Variants in MBTD1 observed in about 807,000 individuals in gnomAD.
The protein encoded by MBTD1 is mbt domain containing 1.
MBTD1 carries 24 observed loss-of-function variants against 87.8 expected under a neutral mutation model. The observed-to-expected ratio is 0.27, with a 90% confidence interval of 0.20 to 0.38. MBTD1 has a LOEUF of 0.38. Among genes scored for constraint, MBTD1 ranks in the 10% least tolerant of loss-of-function variants. The probability of loss-of-function intolerance (pLI) is 1.00; values close to 1 mark genes in which losing one functional copy is unlikely to be tolerated. For missense variants in MBTD1, 436 were observed against 760.2 expected (o/e 0.57, Z 5.02); for synonymous variants, 237 against 248.6 (o/e 0.95, Z 0.44).
At chr17:51,186,743 C>T (rs886485595) in intron 16 of MBTD1, among the ~76,000 whole-genome samples, 1 of 151,196 alleles carries the variant, frequency 6.6e-6, no homozygotes, top group African/African-American at 2.4e-5. Flanking sequence ...CACTGCACTC[C>T]AACCTGGGCG....
intron 2 of MBTD1, among the ~76,000 whole-genome samples, chr17:51,253,672 C>G (rs1227202644): frequency 6.6e-6 from 1 of 151,954 alleles, no homozygotes; most frequent in Non-Finnish European, 1.5e-5. Context: ...CAATATTTTT[C>G]TTTTTTAAAA....
At chr17:51,210,058 G>C (rs2052082673) in intron 6 of MBTD1, among the ~76,000 whole-genome samples, 2 of 152,102 alleles carry the variant, frequency 1.3e-5, no homozygotes, top group African/African-American at 2.4e-5. Flanking sequence ...CTGGAGTGAA[G>C]TGGCGCGATC....
chr17:51,192,561 G>A, intron 15 of MBTD1: 2 of 789,300 alleles, frequency 2.5e-6, no homozygotes, highest in Non-Finnish European at 3.9e-6. Flanking sequence ...TGACTGTTGT[G>A]TTTCTATAGT....
chr17:51,259,879 T>G lies in MBTD1; in HGVS notation c.-157A>C. 8.1e-7 allele frequency: 1 copy of G among 1,231,594 alleles called. No homozygotes were observed. The highest frequency in any genetic ancestry group is 1.0e-6 in the Non-Finnish European group (1 of 987,770). 76.3% of individuals were successfully genotyped at this position (1,231,594 alleles called of 1,614,324 possible). On this transcript the variant is annotated 5_prime_UTR_variant, in exon 1 of 17. Coordinates refer to ENST00000586178, the MANE Select transcript of MBTD1 (RefSeq NM_017643.3). ...ATCAGGGCCTCATGGGTAGGGGTTG[T>G]CCGTGCTCCCCGAGCCCGCGGCGCC...
At chr17:51,251,511 T>C (rs1270638427) in intron 2 of MBTD1, 1 of 152,226 alleles carries the variant, frequency 6.6e-6, no homozygotes, top group Non-Finnish European at 1.5e-5. Flanking sequence ...TGGAGCTTTT[T>C]TCAGATTTTC....
chr17:51,181,059 G>A (rs903145300), intron 16 of MBTD1, among the ~76,000 whole-genome samples: 1 of 134,238 alleles, frequency 7.4e-6, no homozygotes, highest in Admixed American at 8.5e-5. Context: ...GTCTCACTCT[G>A]TCATCAGGCT....
At chr17:51,259,713 G>A (rs1389844914) in intron 1 of MBTD1, 122 bp downstream of exon 1, 1 of 927,840 alleles carries the variant, frequency 1.1e-6, no homozygotes. Flanking sequence ...AGGTTGAGAG[G>A]GCGTGGGATG....
intron 6 of MBTD1, among the ~76,000 whole-genome samples, chr17:51,214,281 A>C (rs1199537034): frequency 2.0e-5 from 3 of 152,142 alleles, no homozygotes; most frequent in Admixed American, 2.0e-4. Context: ...TAGAAATATT[A>C]AATGTCAATT....
rs1436590885 is a variant in MBTD1 at position 51,179,300 on chromosome 17, C to G, written c.*1276G>C. 1 of 150,584 alleles carries G rather than the reference C, an allele frequency of 6.6e-6. No individual in the cohort carries two copies. The highest frequency in any genetic ancestry group is 1.9e-4 in the East Asian group (1 of 5,144). The allele number at this position is 150,584 out of a possible 1,614,324, so 9.3% of individuals were successfully genotyped here. A position where few individuals can be genotyped will look rare whatever the true frequency, so the allele number is the denominator to read the frequency against. ...AACCTCACTGGTAAACGCTAGAGCG[C>G]TCTCATTCAGTCACAACTCAGTAGA... On this transcript the variant is annotated 3_prime_UTR_variant, in exon 17 of 17. Coordinates refer to ENST00000586178, the MANE Select transcript of MBTD1 (RefSeq NM_017643.3).
intron 12 of MBTD1, among the ~76,000 whole-genome samples, chr17:51,195,722 T>C (rs1568158808): frequency 6.6e-6 from 1 of 152,234 alleles, no homozygotes; most frequent in Non-Finnish European, 1.5e-5. Context: ...GGTAACACTT[T>C]GACTTCTTTC....
intron 2 of MBTD1, among the ~76,000 whole-genome samples, chr17:51,235,222 G>A (rs1488046319): frequency 6.6e-6 from 1 of 151,844 alleles, no homozygotes. Context: ...TGCGACTTCC[G>A]CCTCCTGGGT....
At chr17:51,233,310 G>C (rs139349013) in intron 2 of MBTD1, among the ~76,000 whole-genome samples, 1 of 152,068 alleles carries the variant, frequency 6.6e-6, no homozygotes, top group African/African-American at 2.4e-5. Context: ...AGGCCTCTAA[G>C]TATATGAAAG....
intron 2 of MBTD1, among the ~76,000 whole-genome samples, chr17:51,243,215 G>A (rs1454056449): frequency 1.3e-5 from 2 of 151,944 alleles, no homozygotes; most frequent in East Asian, 3.9e-4. Context: ...GAGGTGCTGG[G>A]AATGTATTGC....
In MBTD1 at chr17:51,260,010, C is replaced by A. The variant is rs957945334; in HGVS notation, c.-288G>T. 9 of 492,856 alleles carry A rather than the reference C, an allele frequency of 1.8e-5. No homozygotes were observed. The highest frequency in any genetic ancestry group is 2.9e-5 in the Non-Finnish European group (9 of 313,632). The allele number at this position is 492,856 out of a possible 1,614,324, so 30.5% of individuals were successfully genotyped here. A position where few individuals can be genotyped will look rare whatever the true frequency, so the allele number is the denominator to read the frequency against. On this transcript the variant is annotated 5_prime_UTR_variant, in exon 1 of 17. Coordinates refer to ENST00000586178, the MANE Select transcript of MBTD1 (RefSeq NM_017643.3). Reference sequence around the variant, plus strand: ...GCGGGTGCAGCAGCCCCCGGATTTCCCCCCTTTAACTCGGGTGGCCCCAGG... The same window carrying A: ...GCGGGTGCAGCAGCCCCCGGATTTCACCCCTTTAACTCGGGTGGCCCCAGG...
At chr17:51,198,806 TTTG>T (rs534714537) in intron 12 of MBTD1, among the ~76,000 whole-genome samples, 37 of 152,056 alleles carry the variant, frequency 2.4e-4, no homozygotes, top group African/African-American at 7.3e-4. Flanking sequence ...CCACGTGATT[TTTG>T]TTGTTGTTGT....
chr17:51,223,531 T>C (rs2053036780), intron 3 of MBTD1, among the ~76,000 whole-genome samples: 1 of 149,566 alleles, frequency 6.7e-6, no homozygotes, highest in South Asian at 2.1e-4. Context: ...AGCAAGACTG[T>C]CTCAACAACA....
At chr17:51,256,172 T>C (rs1598451532) in intron 2 of MBTD1, 1 of 152,242 alleles carries the variant, frequency 6.6e-6, no homozygotes, top group Non-Finnish European at 1.5e-5. Flanking sequence ...TCATCTTTTA[T>C]AGCAGCTTAC....
rs1568132905 is a variant in MBTD1, at chr17:51,177,727, G to GTTTA, written c.*2845_*2848dup. On this transcript the variant is annotated 3_prime_UTR_variant, in exon 17 of 17. Coordinates refer to ENST00000586178, the MANE Select transcript of MBTD1 (RefSeq NM_017643.3). ...AGAAATGATGTAAAAACCTTATGCA[G>GTTTA]TTTACTTTGACCTCTGTCCTCAAAA... The GTTTA allele has an allele frequency of 6.6e-6, 1 of 152,130 alleles. No homozygotes were observed. Among genetic ancestry groups the GTTTA allele is most frequent in the Non-Finnish European group, 1.5e-5 (1 of 68,018 alleles). 9.4% of individuals were successfully genotyped at this position (152,130 alleles called of 1,614,324 possible).
At chr17:51,254,710 T>C (rs1279620214) in intron 2 of MBTD1, among the ~76,000 whole-genome samples, 1 of 152,184 alleles carries the variant, frequency 6.6e-6, no homozygotes, top group African/African-American at 2.4e-5. Context: ...AAACATCACT[T>C]ACCACACAGG....
Sources: allele counts gnomAD v4.1 joint callset (sites outside exome capture counted in the v4.1 genomes callset), GRCh38; gene constraint gnomAD v4.1.1; transcripts MANE v1.5; gene names NCBI Gene and HGNC (gene_info 2026-07-23, HGNC 2026-07-21).